Variants in PEX11A observed in about 807,000 individuals in gnomAD.
PEX11A encodes the protein peroxisomal biogenesis factor 11 alpha, also known as peroxisomal membrane protein 11A.
In PEX11A, 13 loss-of-function variants were observed where a neutral mutation model predicts 14.4. The observed-to-expected ratio is 0.90, with a 90% CI of 0.59 to 1.43. The LOEUF (loss-of-function observed/expected upper bound fraction) is 1.43, where lower values mean the gene tolerates loss of function less well. Among genes scored for constraint, PEX11A ranks in the 40% most tolerant of loss-of-function variants. PEX11A has a pLI of 0.00. For synonymous variants in PEX11A, 101 were observed against 113.0 expected, an observed-to-expected ratio of 0.89 and a Z score of 0.67; for missense variants, 290 against 302.8, an observed-to-expected ratio of 0.96 and a Z score of 0.31.
intron 1 of PEX11A, among the ~76,000 whole-genome samples, chr15:89,687,008 C>T (rs552876046): frequency 6.6e-6 from 1 of 152,110 alleles, no homozygotes; most frequent in East Asian, 1.9e-4. Context: ...ACTGCAACCT[C>T]TGCCTCCCTG....
In PEX11A at chr15:89,683,636, T is replaced by TGG. The variant is rs368671942; in HGVS notation, c.483_484dup (p.Gln162ProfsTer28). On this transcript the variant is annotated frameshift_variant, in exon 3 of 3. Transcript: ENST00000300056. LOFTEE classifies it high-confidence loss of function. ...AGCCACGCTGAACCAAAGAGGATCC[T>TGG]GGGATGCTGATTTCTCTTTCTTTGC... 4.3e-6 allele frequency: 7 copies of TGG among 1,614,170 alleles called. No homozygotes were observed. In the South Asian group the frequency reaches 7.7e-5, roughly 18 times the overall value.
chr15:89,690,612 G>A lies in PEX11A; in HGVS notation c.21C>T (p.Phe7=), dbSNP rs1345586846. The A allele has an allele frequency of 1.3e-6, 2 of 1,551,274 alleles. No individual in the cohort carries two copies. Among genetic ancestry groups the A allele is most frequent in the African/African-American group, 1.4e-5 (1 of 73,046 alleles). ...GGTCCCGGCCCTGGGTCTGGTTGGT[G>A]AAGCGGGTGAAGGCGTCCATGGCTT... MDAFTR[F]TNQTQGRDRL... Residue 7 remains phenylalanine (F), a synonymous_variant, in exon 1 of 3, where the codon TTC becomes TTT. Coordinates refer to ENST00000300056, the MANE Select transcript of PEX11A (RefSeq NM_003847.3).
Position 89,681,755 on chromosome 15 carries a change from T to C in PEX11A, c.*1622A>G, listed in dbSNP as rs1266665304. The C allele has an allele frequency of 2.1e-6, 1 of 484,000 alleles. No homozygotes were observed. Among genetic ancestry groups the C allele is most frequent in the East Asian group, 3.2e-5 (1 of 30,964 alleles). 30.0% of individuals were successfully genotyped at this position (484,000 alleles called of 1,614,324 possible). On this transcript the variant is annotated 3_prime_UTR_variant, in exon 3 of 3. Transcript: ENST00000300056. The stretch of plus-strand genomic sequence containing the variant: ...GAATCTCAATCACATTTCTGGGAAA[T>C]GTGACTTATTGAGTACATATTTATT...
At position 89,682,597 on chromosome 15, in the gene PEX11A, G is replaced by A. The variant is rs926123888; in HGVS notation, c.*780C>T. 3 of 152,232 alleles carry A rather than the reference G, an allele frequency of 2.0e-5. No individual in the cohort carries two copies. The East Asian group carries it at 5.8e-4, about 29-fold the overall frequency. 9.4% of individuals were successfully genotyped at this position (152,232 alleles called of 1,614,324 possible). A position where few individuals can be genotyped will look rare whatever the true frequency, so the allele number is the denominator to read the frequency against. On this transcript the variant is annotated 3_prime_UTR_variant, in exon 3 of 3. Coordinates refer to ENST00000300056, the MANE Select transcript of PEX11A (RefSeq NM_003847.3). ...GATCACATTTCTACTCAATTCTGAA[G>A]ACAGTGGGAGAGCATGGAGAGAACA... is the stretch of plus-strand genomic sequence containing the variant.
At position 89,686,627 on chromosome 15, in the gene PEX11A, C is replaced by T. The variant is rs549954501; in HGVS notation, c.57-81G>A. On this transcript the variant is annotated intron_variant, in intron 1 of 2. Coordinates refer to ENST00000300056, the MANE Select transcript of PEX11A (RefSeq NM_003847.3). ...ATTCAGGAAGTAAGGGAAAGAGAAA[C>T]ACATGCCTCCAGACAACATTTCCAA... The T allele has an allele frequency of 8.6e-6, 6 of 700,256 alleles. 1 individual carries two copies. The South Asian group carries it at 1.0e-4, about 12-fold the overall frequency. 43.4% of individuals were successfully genotyped at this position (700,256 alleles called of 1,614,324 possible). A position where few individuals can be genotyped will look rare whatever the true frequency, so the allele number is the denominator to read the frequency against.
chr15:89,683,647 T>G lies in PEX11A; in HGVS notation c.474A>C (p.Lys158Asn), dbSNP rs761792670. The change falls in exon 3 of 3, where the codon AAA becomes AAC. Residue 158 changes from lysine to asparagine, a missense_variant. Lys to Asn is a moderately conservative substitution (Grantham distance 94). Transcript: ENST00000300056. The stretch of plus-strand genomic sequence containing the variant: ...ACCAAAGAGGATCCTGGGATGCTGA[T>G]TTCTCTTTCTTTGCCCTGTCACATG... ...RVTCDRAKKE[K>N]SASQDPLWFS... The G allele has an allele frequency of 6.2e-7, 1 of 1,614,082 alleles. No homozygotes were observed. Among genetic ancestry groups the G allele is most frequent in the Admixed American group, 1.7e-5 (1 of 60,008 alleles).
In PEX11A at chr15:89,683,430, T is replaced by C. The variant is rs908509461; in HGVS notation, c.691A>G (p.Ile231Val). 8 of 1,614,040 alleles carry C rather than the reference T, an allele frequency of 5.0e-6. No homozygotes were observed. The African/African-American group carries it at 8.0e-5, about 16-fold the overall frequency. ...IIGLGGLVSS[I>V]AGMITVAYPQ... ...TATGCCACAGTGATCATGCCTGCTA[T>C]AGAGGACACAAGACCTCCAAGTCCA... Residue 231 changes from isoleucine to valine, a missense_variant, in exon 3 of 3, where the codon ATA becomes GTA. Transcript: ENST00000300056.
At chr15:89,688,292 T>C in intron 1 of PEX11A, 2 of 474,214 alleles carry the variant, frequency 4.2e-6, no homozygotes, top group South Asian at 3.2e-5. Context: ...TATTATTTTA[T>C]GAATGCCAGT....
chr15:89,688,743 T>C (rs1964721811), intron 1 of PEX11A, among the ~76,000 whole-genome samples: 1 of 149,384 alleles, frequency 6.7e-6, no homozygotes, highest in Non-Finnish European at 1.5e-5. Flanking sequence ...TTAGAAGGAG[T>C]CTCGCTCTGT....
At chr15:89,686,574 G>T (rs771357385) in intron 1 of PEX11A, 28 bp from the exon 2 acceptor site, 8 of 987,306 alleles carry the variant, frequency 8.1e-6, no homozygotes, top group South Asian at 1.4e-5. Flanking sequence ...AAATTGAGAA[G>T]AATGATTTAC....
chr15:89,688,747 G>A (rs751808316), intron 1 of PEX11A, among the ~76,000 whole-genome samples: 18 of 150,328 alleles, frequency 1.2e-4, no homozygotes, highest in African/African-American at 3.0e-4. Context: ...AAGGAGTCTC[G>A]CTCTGTTGCC....
chr15:89,686,446 T>C lies in PEX11A; in HGVS notation c.157A>G (p.Ser53Gly), dbSNP rs778768861. The C allele has an allele frequency of 9.1e-6, 14 of 1,533,818 alleles. No individual in the cohort carries two copies. The highest frequency in any genetic ancestry group is 5.0e-5 in the Admixed American group (3 of 59,788). Residue 53 changes from serine to glycine, a missense_variant, in exon 2 of 3, where the codon AGC (serine) becomes GGC (glycine). By Grantham distance (56) the Ser-to-Gly change is moderately conservative (BLOSUM62 0). Coordinates refer to ENST00000300056, the MANE Select transcript of PEX11A (RefSeq NM_003847.3). Reference protein sequence around the residue: ...MKLKKLESSVSTGRKWFRLGN... With the variant: ...MKLKKLESSVGTGRKWFRLGN... ...GGGTACTTACATTTACGACCAGTGC[T>C]CACACTGGACTCCAGTTTCTTGAGC...
chr15:89,683,100 G>T lies in PEX11A; in HGVS notation c.*277C>A. ...TTTTTATTCATTCAGCAAATACTAA[G>T]CTCCCACTATGCACATAAGAGATGT... is the stretch of plus-strand genomic sequence containing the variant. On this transcript the variant is annotated 3_prime_UTR_variant, in exon 3 of 3. Transcript: ENST00000300056. The T allele has an allele frequency of 2.5e-6, 1 of 393,512 alleles. No individual in the cohort carries two copies. The highest frequency in any genetic ancestry group is 4.5e-6 in the Non-Finnish European group (1 of 221,092). The allele number at this position is 393,512 out of a possible 1,614,324, so 24.4% of individuals were successfully genotyped here.
Position 89,683,135 on chromosome 15 carries a change from G to A in PEX11A, c.*242C>T, listed in dbSNP as rs1437084271. The A allele has an allele frequency of 2.0e-6, 1 of 507,246 alleles. No individual in the cohort carries two copies. Among genetic ancestry groups the A allele is most frequent in the Non-Finnish European group, 3.5e-6 (1 of 287,622 alleles). 31.4% of individuals were successfully genotyped at this position (507,246 alleles called of 1,614,324 possible). A position where few individuals can be genotyped will look rare whatever the true frequency, so the allele number is the denominator to read the frequency against. ...TGCACATAAGAGATGTTCAATCAATGTTAGATGAAGGGAAAATATTCAGAA... is the reference window on the plus strand; with the variant it reads ...TGCACATAAGAGATGTTCAATCAATATTAGATGAAGGGAAAATATTCAGAA... On this transcript the variant is annotated 3_prime_UTR_variant, in exon 3 of 3. Coordinates refer to ENST00000300056, the MANE Select transcript of PEX11A (RefSeq NM_003847.3).
At chr15:89,686,079 C>G (rs1964671410) in intron 2 of PEX11A, among the ~76,000 whole-genome samples, 1 of 152,218 alleles carries the variant, frequency 6.6e-6, no homozygotes, top group African/African-American at 2.4e-5. Flanking sequence ...CTATTCCACT[C>G]TTGTTTAGAA....
Position 89,686,510 on chromosome 15 carries a change from C to T in PEX11A, c.93G>A (p.Leu31=). The T allele has an allele frequency of 6.2e-7, 1 of 1,600,166 alleles. No homozygotes were observed. Among genetic ancestry groups the T allele is most frequent in the Non-Finnish European group, 8.6e-7 (1 of 1,168,074 alleles). Residue 31 remains leucine, a synonymous_variant, in exon 2 of 3, where the codon TTG becomes TTA. Transcript: ENST00000300056. ...TCTCTTTGCCAGCTTTGGGCTCTAA[C>T]AAATATCTAAGCAACATGCATGTGT... ...TQYTCMLLRY[L]LEPKAGKEKV...
intron 1 of PEX11A, among the ~76,000 whole-genome samples, chr15:89,687,185 A>G (rs1010421615): frequency 1.2e-4 from 19 of 152,224 alleles, no homozygotes; most frequent in African/African-American, 4.1e-4. Context: ...AACCTCCCAA[A>G]GTGCTGGGAT....
At chr15:89,687,550 C>T (rs1426114840) in intron 1 of PEX11A, among the ~76,000 whole-genome samples, 1 of 152,186 alleles carries the variant, frequency 6.6e-6, no homozygotes, top group Non-Finnish European at 1.5e-5. Flanking sequence ...TTTTACATCA[C>T]ATAGTCACAC....
At chr15:89,688,910 T>C (rs936597254) in intron 1 of PEX11A, among the ~76,000 whole-genome samples, 22 of 151,044 alleles carry the variant, frequency 1.5e-4, no homozygotes, top group African/African-American at 5.1e-4. Flanking sequence ...GAGACAGGGT[T>C]TCACCATGTT....
Sources: allele counts gnomAD v4.1 joint callset (sites outside exome capture counted in the v4.1 genomes callset), GRCh38; gene constraint gnomAD v4.1.1; transcripts MANE v1.5; gene names NCBI Gene and HGNC (gene_info 2026-07-23, HGNC 2026-07-21).